METTL24: variants seen among roughly 807,000 people sequenced by gnomAD.
METTL24 encodes the protein methyltransferase like 24, also known as probable methyltransferase-like protein 24.
Under a neutral mutation model 32.7 loss-of-function variants are expected in METTL24, and 29 were observed. The observed-to-expected ratio is 0.89, with a 90% CI of 0.66 to 1.21. The LOEUF is 1.21. Among genes scored for constraint, METTL24 ranks in the 50% most tolerant of loss-of-function variants. The pLI is 0.00. For missense variants in METTL24, 439 were observed against 468.1 expected (o/e 0.94, Z 0.57); for synonymous variants, 163 against 179.5 (o/e 0.91, Z 0.73).
At chr6:110,350,562 T>C (rs779341274) in intron 1 of METTL24, among the ~76,000 whole-genome samples, 19 of 151,736 alleles carry the variant, frequency 1.3e-4, no homozygotes, top group Admixed American at 5.9e-4. Flanking sequence ...TATGAGACTC[T>C]AAGTTTCGTT....
intron 4 of METTL24, among the ~76,000 whole-genome samples, chr6:110,283,953 C>A (rs936379721): frequency 3.3e-5 from 5 of 152,078 alleles, no homozygotes; most frequent in Admixed American, 6.6e-5. Context: ...AATGGATAAG[C>A]AAAATGCAAT....
chr6:110,316,363 C>T (rs72935932), intron 2 of METTL24, among the ~76,000 whole-genome samples: 17,820 of 152,240 alleles, frequency 0.12, 1,325 homozygotes, highest in Middle Eastern at 0.2. Context: ...ACAGCTGAGG[C>T]TGTTGAAACC....
At chr6:110,267,447 A>G (rs1770876242) in intron 4 of METTL24, among the ~76,000 whole-genome samples, 1 of 152,236 alleles carries the variant, frequency 6.6e-6, no homozygotes, top group Non-Finnish European at 1.5e-5. Context: ...GATATCAGAT[A>G]TAGATTAGAT....
intron 4 of METTL24, among the ~76,000 whole-genome samples, chr6:110,264,898 C>T (rs1469818758): frequency 1.3e-5 from 2 of 151,924 alleles, no homozygotes; most frequent in African/African-American, 4.8e-5. Context: ...CACATGTTCT[C>T]ACTCATAGGT....
chr6:110,254,331 T>A (rs949270164), intron 4 of METTL24: 1 of 156,314 alleles, frequency 6.4e-6, no homozygotes, highest in Non-Finnish European at 1.4e-5. Flanking sequence ...TATTTATGAA[T>A]ATTTTTTAAA....
At chr6:110,284,504 C>T (rs765078152) in intron 4 of METTL24, among the ~76,000 whole-genome samples, 1 of 151,910 alleles carries the variant, frequency 6.6e-6, no homozygotes, top group African/African-American at 2.4e-5. Flanking sequence ...AACAGACAGA[C>T]AGATGGAGAG....
intron 3 of METTL24, among the ~76,000 whole-genome samples, chr6:110,308,645 T>C (rs961264596): frequency 1.2e-4 from 18 of 152,190 alleles, no homozygotes; most frequent in Admixed American, 1.2e-3. Context: ...GGAATGTTCA[T>C]AGCAACATTA....
At chr6:110,319,857 C>T (rs559785115) in intron 2 of METTL24, among the ~76,000 whole-genome samples, 2 of 152,272 alleles carry the variant, frequency 1.3e-5, no homozygotes, top group African/African-American at 2.4e-5. Flanking sequence ...CTAGGGGTGC[C>T]ACGCCCATTG....
chr6:110,343,632 A>C (rs1018139644), intron 1 of METTL24, among the ~76,000 whole-genome samples: 1 of 152,246 alleles, frequency 6.6e-6, no homozygotes, highest in Non-Finnish European at 1.5e-5. Context: ...GGGGTGTTGA[A>C]GGCCTGAAAA....
At chr6:110,324,332 G>A (rs1771982479) in intron 1 of METTL24, among the ~76,000 whole-genome samples, 1 of 152,170 alleles carries the variant, frequency 6.6e-6, no homozygotes, top group Non-Finnish European at 1.5e-5. Flanking sequence ...CCTCTAGATT[G>A]AAGGAGGCCT....
chr6:110,326,926 G>A (rs577650792), intron 1 of METTL24, among the ~76,000 whole-genome samples: 109 of 152,232 alleles, frequency 7.2e-4, no homozygotes, highest in Non-Finnish European at 1.3e-3. Flanking sequence ...GGGGCAAATG[G>A]AAGGCTTCTT....
At chr6:110,292,695 C>A (rs1320225284) in intron 4 of METTL24, among the ~76,000 whole-genome samples, 2 of 151,916 alleles carry the variant, frequency 1.3e-5, no homozygotes, top group African/African-American at 4.8e-5. Context: ...TCTTTTGTGA[C>A]TTCCTAACTC....
chr6:110,280,453 A>G (rs1412514557), intron 4 of METTL24, among the ~76,000 whole-genome samples: 1 of 152,134 alleles, frequency 6.6e-6, no homozygotes, highest in African/African-American at 2.4e-5. Flanking sequence ...TAAAGAGCAA[A>G]TATGTTGTTT....
intron 4 of METTL24, among the ~76,000 whole-genome samples, chr6:110,263,096 C>T (rs1197891152): frequency 6.6e-6 from 1 of 152,138 alleles, no homozygotes; most frequent in Non-Finnish European, 1.5e-5. Flanking sequence ...TCCTATTCAA[C>T]ATAGTGTTGG....
intron 1 of METTL24, among the ~76,000 whole-genome samples, chr6:110,351,298 T>C (rs1423903609): frequency 6.6e-6 from 1 of 152,220 alleles, no homozygotes; most frequent in Non-Finnish European, 1.5e-5. Flanking sequence ...TGTAGGCGTA[T>C]ATTCACTAAA....
intron 4 of METTL24, among the ~76,000 whole-genome samples, chr6:110,268,191 C>A (rs1047547646): frequency 3.2e-4 from 48 of 152,010 alleles, no homozygotes; most frequent in Non-Finnish European, 8.8e-5. Context: ...AAAACTGAGG[C>A]CCAAAAAGGT....
chr6:110,253,779 A>G, intron 4 of METTL24: 1 of 895,350 alleles, frequency 1.1e-6, no homozygotes, highest in Non-Finnish European at 1.5e-6. Context: ...CACATTTTCT[A>G]CAAAATTGAA....
intron 1 of METTL24, among the ~76,000 whole-genome samples, chr6:110,329,453 TG>T (rs1338694000): frequency 7.8e-6 from 1 of 128,070 alleles, no homozygotes; most frequent in Non-Finnish European, 1.5e-5. Context: ...CATCTGTTAG[TG>T]GGCAGGAAAC....
At chr6:110,278,793 G>A (rs1402913521) in intron 4 of METTL24, among the ~76,000 whole-genome samples, 6 of 152,114 alleles carry the variant, frequency 3.9e-5, no homozygotes, top group Admixed American at 3.9e-4. Context: ...AGGCCGAAGT[G>A]GGAAGATCAC....
Sources: allele counts gnomAD v4.1 joint callset (sites outside exome capture counted in the v4.1 genomes callset), GRCh38; gene constraint gnomAD v4.1.1; transcripts MANE v1.5; gene names NCBI Gene and HGNC (gene_info 2026-07-23, HGNC 2026-07-21).